The following DTX4 variants were observed in gnomAD, a reference collection of about 807,000 sequenced individuals.
DTX4 encodes E3 ubiquitin-protein ligase DTX4.
In DTX4, 28 loss-of-function variants were observed where a neutral mutation model predicts 57.6. The observed-to-expected ratio is 0.49, with a 90% confidence interval of 0.36 to 0.67. The LOEUF is 0.67. DTX4 is among the 30% of genes least tolerant of loss of function. The probability of loss-of-function intolerance (pLI) is 0.00; values close to 1 mark genes in which losing one functional copy is unlikely to be tolerated. For synonymous variants in DTX4, 316 were observed against 331.0 expected, an observed-to-expected ratio of 0.95 and a Z score of 0.49; for missense variants, 715 against 836.8, an observed-to-expected ratio of 0.85 and a Z score of 1.80.
chr11:59,198,792 AG>A (rs1862705282), intron 7 of DTX4, among the ~76,000 whole-genome samples: 1 of 152,176 alleles, frequency 6.6e-6, no homozygotes, highest in Non-Finnish European at 1.5e-5. Context: ...TCCATCCCTC[AG>A]GGGGTCAGGG....
In DTX4 at chr11:59,191,107, T is replaced by C. The variant is rs1188756332; in HGVS notation, c.1160-7T>C. 2 of 1,566,342 alleles carry C rather than the reference T, an allele frequency of 1.3e-6. No individual in the cohort carries two copies. The highest frequency in any genetic ancestry group is 1.9e-5 in the Admixed American group (1 of 52,976). ...TTGGTGGCCCACTGAACCTCCTGTC[T>C]CTGCAGGTAAAACCCCAGAGGAAGT... On this transcript the variant is annotated splice_polypyrimidine_tract_variant and splice_region_variant and intron_variant, in intron 4 of 8. Transcript: ENST00000227451.
In DTX4 at chr11:59,182,076, G is replaced by T; in HGVS notation, c.549G>T (p.Ser183=). 1 of 1,612,108 alleles carries T rather than the reference G, an allele frequency of 6.2e-7. No homozygotes were observed. Among genetic ancestry groups the T allele is most frequent in the Non-Finnish European group, 8.5e-7 (1 of 1,178,800 alleles). ...CAGTCAGCCCTGGGCCAGCCACCTC[G>T]CCCCCCATGTCCCCCTGCTCCTGTC... ...SWPVSPGPAT[S]PPMSPCSCPQ... is the part of the protein sequence containing the mutation. The change falls in exon 2 of 9, where the codon TCG becomes TCT. Residue 183 remains serine (S), a synonymous_variant. Coordinates refer to ENST00000227451, the MANE Select transcript of DTX4 (RefSeq NM_015177.2).
rs377396696 is a variant in DTX4, at chr11:59,187,464, T to C, written c.936-1271T>C. 5.3e-4 allele frequency among the ~76,000 whole-genome samples: 81 copies of C among 152,348 alleles called. 1 individual carries two copies. Among genetic ancestry groups the C allele is most frequent in the South Asian group, 3.5e-3 (17 of 4,824 alleles). On this transcript the variant is annotated intron_variant, in intron 2 of 8. Coordinates refer to ENST00000227451, the MANE Select transcript of DTX4 (RefSeq NM_015177.2). ...GTAACATGTGAGTGAAGAAGGGCCA[T>C]GAGCCATGTGTTCACTGCTGACCCC...
intron 1 of DTX4, among the ~76,000 whole-genome samples, chr11:59,173,858 G>A (rs897675965): frequency 1.3e-5 from 2 of 152,130 alleles, no homozygotes; most frequent in East Asian, 1.9e-4. Context: ...GATGACCCGG[G>A]AAGAGTTTCT....
At chr11:59,185,075 G>C (rs891050918) in intron 2 of DTX4, among the ~76,000 whole-genome samples, 3 of 152,176 alleles carry the variant, frequency 2.0e-5, no homozygotes, top group Admixed American at 6.5e-5. Flanking sequence ...AGAAAGGTTT[G>C]GGGGCAGGAA....
intron 1 of DTX4, among the ~76,000 whole-genome samples, chr11:59,177,029 A>G (rs1016608094): frequency 6.6e-6 from 1 of 152,182 alleles, no homozygotes; most frequent in African/African-American, 2.4e-5. Flanking sequence ...ATTGAACTCA[A>G]CAACTTTCCC....
intron 1 of DTX4, among the ~76,000 whole-genome samples, chr11:59,176,442 A>G (rs1862397005): frequency 6.6e-6 from 1 of 152,258 alleles, no homozygotes; most frequent in East Asian, 1.9e-4. Context: ...TAGGTGCCCT[A>G]TGTCCTATTT....
At chr11:59,195,400 T>A in intron 7 of DTX4, 31 bp downstream of exon 7, 1 of 1,574,612 alleles carries the variant, frequency 6.4e-7, no homozygotes, top group South Asian at 1.1e-5. Context: ...AGCCTTTCTG[T>A]CACCCCTTGG....
At chr11:59,179,007 C>G (rs1162249188) in intron 1 of DTX4, among the ~76,000 whole-genome samples, 1 of 148,278 alleles carries the variant, frequency 6.7e-6, no homozygotes, top group African/African-American at 2.5e-5. Context: ...AGTTCTGGGA[C>G]AACTCTCAGG....
chr11:59,193,818 C>T (rs201089626), intron 6 of DTX4, among the ~76,000 whole-genome samples: 7 of 152,200 alleles, frequency 4.6e-5, no homozygotes, highest in African/African-American at 1.2e-4. Flanking sequence ...ACCCTGAATA[C>T]GAGCTATTGC....
At position 59,181,890 on chromosome 11, in the gene DTX4, C is replaced by A; in HGVS notation, c.363C>A (p.His121Gln). The A allele has an allele frequency of 6.2e-7, 1 of 1,613,996 alleles. No homozygotes were observed. The highest frequency in any genetic ancestry group is 8.5e-7 in the Non-Finnish European group (1 of 1,179,870). ...TCCAGCATGCCTATGAGAAGCAGCACCCCTGGATCGACCTCACTTCCATTG... is the reference window on the plus strand; with the variant it reads ...TCCAGCATGCCTATGAGAAGCAGCAACCCTGGATCGACCTCACTTCCATTG... ...ITIQHAYEKQ[H>Q]PWIDLTSIGF... The change falls in exon 2 of 9, where the codon CAC becomes CAA. Residue 121 changes from histidine (H) to glutamine (Q), a missense_variant. Physicochemically the swap from His to Gln is conservative, Grantham distance 24. Coordinates refer to ENST00000227451, the MANE Select transcript of DTX4 (RefSeq NM_015177.2).
chr11:59,198,436 G>A (rs746488586), intron 7 of DTX4, among the ~76,000 whole-genome samples: 2 of 152,174 alleles, frequency 1.3e-5, no homozygotes, highest in East Asian at 1.9e-4. Flanking sequence ...CTGCATCTCC[G>A]AGAAGGCGTT....
At chr11:59,171,698 G>C (rs1314019372), upstream of DTX4, among the ~76,000 whole-genome samples, 1 of 152,158 alleles carries the variant, frequency 6.6e-6, no homozygotes, top group Admixed American at 6.5e-5. Flanking sequence ...TGAGGTAATA[G>C]GAGCCGGGGC....
chr11:59,189,550 G>A (rs569357956), intron 4 of DTX4, among the ~76,000 whole-genome samples: 1 of 152,320 alleles, frequency 6.6e-6, no homozygotes, highest in South Asian at 2.1e-4. Context: ...CAAAAGTATA[G>A]AAACATAAAA....
chr11:59,175,650 C>T (rs1862386874), intron 1 of DTX4, among the ~76,000 whole-genome samples: 2 of 152,118 alleles, frequency 1.3e-5, no homozygotes, highest in Non-Finnish European at 2.9e-5. Flanking sequence ...GGGCCCCTCT[C>T]CACCTGCCAT....
chr11:59,173,541 C>A (rs1045913846), intron 1 of DTX4, among the ~76,000 whole-genome samples: 1 of 152,204 alleles, frequency 6.6e-6, no homozygotes, highest in Non-Finnish European at 1.5e-5. Context: ...GAATGCATGG[C>A]AGGGAAGCCG....
rs1374964948 is a variant in DTX4, at chr11:59,172,641, C to T, written c.46C>T (p.His16Tyr). The T allele has an allele frequency of 1.0e-5, 16 of 1,590,466 alleles. No individual in the cohort carries two copies. Among genetic ancestry groups the T allele is most frequent in the Non-Finnish European group, 1.3e-5 (15 of 1,174,196 alleles). The change falls in exon 1 of 9, where the codon CAC becomes TAC. Residue 16 changes from histidine to tyrosine, a missense_variant. His to Tyr is a moderately conservative substitution (Grantham distance 83). Coordinates refer to ENST00000227451, the MANE Select transcript of DTX4 (RefSeq NM_015177.2). Reference protein sequence around the residue: ...AVVVWEWLNEHGRWRPYSPAV... With the variant: ...AVVVWEWLNEYGRWRPYSPAV... ...GGTGGTCTGGGAATGGCTGAACGAG[C>T]ACGGCCGCTGGCGTCCCTACAGCCC...
In DTX4 at chr11:59,191,165, C is replaced by A; in HGVS notation, c.1211C>A (p.Pro404Gln). 1.3e-6 allele frequency: 2 copies of A among 1,571,444 alleles called. No homozygotes were observed. Among genetic ancestry groups the A allele is most frequent in the Non-Finnish European group, 1.7e-6 (2 of 1,158,308 alleles). Reference protein sequence around the residue: ...LKKYLQKVRHPPDEDCTICME... With the variant: ...LKKYLQKVRHQPDEDCTICME... ...AAATATCTACAGAAAGTCCGGCACC[C>A]ACCAGATGAGGTGAGTTCAGGGTTA... Residue 404 changes from proline to glutamine, a missense_variant, in exon 5 of 9, where the codon CCA becomes CAA. Transcript: ENST00000227451.
In DTX4 at chr11:59,182,427, G is replaced by A; in HGVS notation, c.900G>A (p.Leu300=). 6.2e-7 allele frequency: 1 copy of A among 1,612,224 alleles called. No homozygotes were observed. The highest frequency in any genetic ancestry group is 1.3e-5 in the African/African-American group (1 of 75,012). The change falls in exon 2 of 9, where the codon CTG becomes CTA. Residue 300 remains leucine, a synonymous_variant. Transcript: ENST00000227451. ...TGAATCGTACCAACCTGCAGCGACT[G>A]GCCATTGCCCAGTCCCGGGTGCTGA... ...ATLNRTNLQR[L]AIAQSRVLIA...
Sources: allele counts gnomAD v4.1 joint callset (sites outside exome capture counted in the v4.1 genomes callset), GRCh38; gene constraint gnomAD v4.1.1; transcripts MANE v1.5; gene names NCBI Gene and HGNC (gene_info 2026-07-23, HGNC 2026-07-21).